The following USPL1 variants were observed in gnomAD, a reference collection of about 807,000 sequenced individuals.
The protein encoded by USPL1 is SUMO-specific isopeptidase USPL1.
Under a neutral mutation model 51.5 loss-of-function variants are expected in USPL1, and 27 were observed. That is an observed-to-expected ratio of 0.52 (90% confidence interval 0.39 to 0.72). The LOEUF is 0.72. Ranked by LOEUF, USPL1 falls within the 30% of genes least tolerant of loss-of-function variation. The probability of loss-of-function intolerance (pLI) is 0.00; values close to 1 mark genes in which losing one functional copy is unlikely to be tolerated. For missense variants in USPL1, 1,226 were observed against 1,268.0 expected, an observed-to-expected ratio of 0.97 and a Z score of 0.50; for synonymous variants, 451 against 459.6, an observed-to-expected ratio of 0.98 and a Z score of 0.24.
At chr13:30,626,322 A>G (rs535317490) in intron 3 of USPL1, among the ~76,000 whole-genome samples, 93 of 151,842 alleles carry the variant, frequency 6.1e-4, no homozygotes, top group African/African-American at 2.2e-3. Context: ...CAAAATAAAT[A>G]AATAAATAAA....
At chr13:30,621,272 G>GTTT (rs758180582) in intron 2 of USPL1, 33 bp downstream of exon 2, 42 of 1,249,354 alleles carry the variant, frequency 3.4e-5, no homozygotes, top group South Asian at 7.8e-5. Context: ...TGAGTGCAAA[G>GTTT]TTTTTTTTTT....
rs760737482 is a variant in USPL1, at chr13:30,642,771, G to GT, written c.1112+20dup. On this transcript the variant is annotated intron_variant, in intron 6 of 8. Coordinates refer to ENST00000255304, the MANE Select transcript of USPL1 (RefSeq NM_005800.5). ...ATATCAAAACAGGTTAGTTTCTTTTGTTTTTTAAAATGGGTTCTTCTAGTT... is the reference window on the plus strand; with the variant it reads ...ATATCAAAACAGGTTAGTTTCTTTTGTTTTTTTAAAATGGGTTCTTCTAGTT... 7 of 1,603,634 alleles carry GT rather than the reference G, an allele frequency of 4.4e-6. No homozygotes were observed. The Admixed American group carries it at 1.2e-4, about 28-fold the overall frequency.
intron 4 of USPL1, among the ~76,000 whole-genome samples, chr13:30,635,112 T>C (rs982526549): frequency 6.6e-6 from 1 of 152,266 alleles, no homozygotes; most frequent in African/African-American, 2.4e-5. Context: ...TTGCTGAATC[T>C]GCTCCCAGTT....
At chr13:30,649,584 A>G (rs1005100565) in intron 7 of USPL1, among the ~76,000 whole-genome samples, 2 of 152,200 alleles carry the variant, frequency 1.3e-5, no homozygotes, top group Non-Finnish European at 2.9e-5. Context: ...TTACATTCAG[A>G]CCATGGTGAC....
Position 30,658,455 on chromosome 13 carries a change from T to C in USPL1, c.2378T>C (p.Val793Ala), listed in dbSNP as rs778313184. 5 of 1,613,578 alleles carry C rather than the reference T, an allele frequency of 3.1e-6. No homozygotes were observed. Among genetic ancestry groups the C allele is most frequent in the Non-Finnish European group, 4.2e-6 (5 of 1,180,020 alleles). Residue 793 changes from valine to alanine, a missense_variant, in exon 9 of 9, where the codon GTA becomes GCA. Transcript: ENST00000255304. ...GATTTACAACCTTCAGTTAAAGGGG[T>C]AAATAATTTTGGTGGCTTTAAAACT... ...ITDLQPSVKG[V>A]NNFGGFKTKG...
Position 30,621,778 on chromosome 13 carries a change from T to C in USPL1, c.114T>C (p.Ala38=). ...TTCTCTTTTAGAATTTTGATTCAGC[T>C]AAAGTTCCATCAGATGAGTATTGCC... The part of the protein sequence containing the change: ...VGYLGKNFDS[A]KVPSDEYCPA... Residue 38 remains alanine, a synonymous_variant, in exon 3 of 9, where the codon GCT becomes GCC. Coordinates refer to ENST00000255304, the MANE Select transcript of USPL1 (RefSeq NM_005800.5). 6.5e-7 allele frequency: 1 copy of C among 1,542,870 alleles called. No homozygotes were observed. The highest frequency in any genetic ancestry group is 8.7e-7 in the Non-Finnish European group (1 of 1,149,340).
chr13:30,630,368 A>T (rs1950785122), intron 3 of USPL1, among the ~76,000 whole-genome samples: 1 of 152,252 alleles, frequency 6.6e-6, no homozygotes, highest in African/African-American at 2.4e-5. Flanking sequence ...GATGTAAAAC[A>T]GCAGTGCTAT....
chr13:30,618,626 G>C (rs1363194604), intron 1 of USPL1, among the ~76,000 whole-genome samples: 3 of 152,124 alleles, frequency 2.0e-5, no homozygotes, highest in African/African-American at 4.8e-5. Flanking sequence ...GATTCCCAGG[G>C]CCACCTTGAC....
At position 30,658,447 on chromosome 13, in the gene USPL1, T is replaced by C. The variant is rs1566062669; in HGVS notation, c.2370T>C (p.Val790=). 1 of 1,613,764 alleles carries C rather than the reference T, an allele frequency of 6.2e-7. No homozygotes were observed. The highest frequency in any genetic ancestry group is 1.3e-5 in the African/African-American group (1 of 75,042). The part of the protein sequence containing the change: ...RNTITDLQPS[V]KGVNNFGGFK... The stretch of plus-strand genomic sequence containing the variant: ...CTATAACTGATTTACAACCTTCAGT[T>C]AAAGGGGTAAATAATTTTGGTGGCT... Residue 790 remains valine, a synonymous_variant, in exon 9 of 9, where the codon GTT becomes GTC. Transcript: ENST00000255304.
chr13:30,620,861 C>A (rs1261723033), intron 1 of USPL1, among the ~76,000 whole-genome samples: 1 of 152,134 alleles, frequency 6.6e-6, no homozygotes, highest in Non-Finnish European at 1.5e-5. Context: ...AAAACCGGTC[C>A]TGTTGCCAGT....
chr13:30,627,373 A>T (rs1222612414), intron 3 of USPL1, among the ~76,000 whole-genome samples: 2 of 152,206 alleles, frequency 1.3e-5, no homozygotes, highest in East Asian at 3.8e-4. Context: ...GGGAAAAATC[A>T]GGGCAAGGAC....
At chr13:30,637,707 T>C (rs1207842631) in intron 4 of USPL1, 37 bp from the exon 5 acceptor site, 3 of 1,481,838 alleles carry the variant, frequency 2.0e-6, no homozygotes, top group Non-Finnish European at 2.8e-6. Context: ...AGATATACAT[T>C]GATGAGGAAT....
chr13:30,623,975 T>C, intron 3 of USPL1, among the ~76,000 whole-genome samples: 1 of 152,188 alleles, frequency 6.6e-6, no homozygotes, highest in East Asian at 1.9e-4. Flanking sequence ...AAGTGTTTGT[T>C]TGAGTTCTGC....
In USPL1 at chr13:30,657,465, A is replaced by G. The variant is rs1474768605; in HGVS notation, c.1397-9A>G. The G allele has an allele frequency of 2.6e-6, 4 of 1,566,894 alleles. No individual in the cohort carries two copies. The highest frequency in any genetic ancestry group is 2.0e-5 in the Admixed American group (1 of 49,914). ...AATATCTAACTTTCACTTCTTTCCCATCTTCCAGGAAGTTGGCTGGAATGT... is the reference window on the plus strand; with the variant it reads ...AATATCTAACTTTCACTTCTTTCCCGTCTTCCAGGAAGTTGGCTGGAATGT... On this transcript the variant is annotated splice_polypyrimidine_tract_variant and intron_variant, in intron 8 of 8. Coordinates refer to ENST00000255304, the MANE Select transcript of USPL1 (RefSeq NM_005800.5).
In USPL1 at chr13:30,630,773, A is replaced by G. The variant is rs564937721; in HGVS notation, c.229-62A>G. 44 of 1,464,420 alleles carry G rather than the reference A, an allele frequency of 3.0e-5. No homozygotes were observed. The East Asian group carries it at 9.8e-4, about 33-fold the overall frequency. 90.7% of individuals were successfully genotyped at this position (1,464,420 alleles called of 1,614,324 possible). ...TATACATGTTTTTCATGATATGAAAACTATAAAACATGAAGTTATTTGAAT... is the reference window on the plus strand; with the variant it reads ...TATACATGTTTTTCATGATATGAAAGCTATAAAACATGAAGTTATTTGAAT... On this transcript the variant is annotated intron_variant, in intron 3 of 8. Coordinates refer to ENST00000255304, the MANE Select transcript of USPL1 (RefSeq NM_005800.5).
chr13:30,658,232 A>C lies in USPL1; in HGVS notation c.2155A>C (p.Thr719Pro), dbSNP rs1236409901. 1 of 1,611,800 alleles carries C rather than the reference A, an allele frequency of 6.2e-7. No homozygotes were observed. Among genetic ancestry groups the C allele is most frequent in the East Asian group, 2.2e-5 (1 of 44,876 alleles). Reference protein sequence around the residue: ...KTEQLKPERVTSQVSNLKKKE... With the variant: ...KTEQLKPERVPSQVSNLKKKE... ...TGAACAATTAAAACCAGAACGTGTC[A>C]CATCTCAGGTATCTAATTTGAAGAA... The change falls in exon 9 of 9, where the codon ACA becomes CCA. Residue 719 changes from threonine to proline, a missense_variant. Thr to Pro is a conservative substitution (Grantham distance 38). Coordinates refer to ENST00000255304, the MANE Select transcript of USPL1 (RefSeq NM_005800.5).
intron 6 of USPL1, among the ~76,000 whole-genome samples, chr13:30,644,850 A>G (rs1168083187): frequency 2.0e-5 from 3 of 152,244 alleles, no homozygotes; most frequent in Non-Finnish European, 4.4e-5. Flanking sequence ...AACTCCCACT[A>G]GAACAGGGTG....
chr13:30,637,675 A>G, intron 4 of USPL1, 69 bp from the exon 5 acceptor site: 1 of 1,244,732 alleles, frequency 8.0e-7, no homozygotes, highest in East Asian at 2.4e-5. Flanking sequence ...CATTCTTGGG[A>G]ATGTGTCAGT....
chr13:30,647,095 G>C, intron 7 of USPL1, 38 bp downstream of exon 7: 1 of 1,574,524 alleles, frequency 6.4e-7, no homozygotes, highest in African/African-American at 1.3e-5. Flanking sequence ...AGTACAAAAT[G>C]AAGGTGGATT....
Sources: allele counts gnomAD v4.1 joint callset (sites outside exome capture counted in the v4.1 genomes callset), GRCh38; gene constraint gnomAD v4.1.1; transcripts MANE v1.5; gene names NCBI Gene and HGNC (gene_info 2026-07-23, HGNC 2026-07-21).